The following ARMC8 variants were observed in gnomAD, a reference collection of about 807,000 sequenced individuals.
The protein encoded by ARMC8 is armadillo repeat containing 8, also known as armadillo repeat-containing protein 8.
ARMC8 carries 20 observed loss-of-function variants against 99.3 expected under a neutral mutation model. That is an observed-to-expected ratio of 0.20 (90% CI 0.14 to 0.29). The LOEUF (loss-of-function observed/expected upper bound fraction) is 0.29, where lower values mean the gene tolerates loss of function less well. Ranked by LOEUF, ARMC8 falls within the 10% of genes least tolerant of loss-of-function variation. The probability of loss-of-function intolerance (pLI) is 1.00; values close to 1 mark genes in which losing one functional copy is unlikely to be tolerated. For synonymous variants in ARMC8, 263 were observed against 278.3 expected (o/e 0.95, Z 0.55); for missense variants, 569 against 809.5 (o/e 0.70, Z 3.60).
At chr3:138,207,709 A>G (rs1252946603) in intron 1 of ARMC8, among the ~76,000 whole-genome samples, 1 of 152,120 alleles carries the variant, frequency 6.6e-6, no homozygotes, top group South Asian at 2.1e-4. Flanking sequence ...GTTTCTTGAT[A>G]TGTTCGTACA....
chr3:138,217,677 ATCTT>A (rs1319110316), intron 2 of ARMC8, among the ~76,000 whole-genome samples: 1 of 152,162 alleles, frequency 6.6e-6, no homozygotes, highest in Non-Finnish European at 1.5e-5. Flanking sequence ...TTGGCTGAAA[ATCTT>A]TCTCAACAAA....
At chr3:138,214,267 C>T (rs1384945329) in intron 2 of ARMC8, among the ~76,000 whole-genome samples, 1 of 150,840 alleles carries the variant, frequency 6.6e-6, no homozygotes, top group Non-Finnish European at 1.5e-5. Context: ...TTTGTAGTTT[C>T]AGAGTTTAAT....
chr3:138,188,103 C>T (rs2107926014), intron 1 of ARMC8: 1 of 229,838 alleles, frequency 4.4e-6, no homozygotes, highest in African/African-American at 2.3e-5. Context: ...TCTATCGCGT[C>T]CCAGCACCTG....
intron 18 of ARMC8, among the ~76,000 whole-genome samples, chr3:138,276,621 A>G (rs2049321913): frequency 6.6e-6 from 1 of 152,220 alleles, no homozygotes; most frequent in Admixed American, 6.5e-5. Flanking sequence ...GTATTTTTAT[A>G]TACTAGCAGT....
intron 6 of ARMC8, among the ~76,000 whole-genome samples, chr3:138,230,498 A>G (rs572688668): frequency 6.6e-6 from 1 of 152,196 alleles, no homozygotes; most frequent in Non-Finnish European, 1.5e-5. Flanking sequence ...AAAAAATACA[A>G]AAGAATTAGC....
chr3:138,281,132 A>G (rs1407081571), intron 18 of ARMC8, among the ~76,000 whole-genome samples: 2 of 152,162 alleles, frequency 1.3e-5, no homozygotes, highest in Non-Finnish European at 1.5e-5. Flanking sequence ...GGCCCAAACC[A>G]TAATTTACCA....
chr3:138,235,328 GA>G lies in ARMC8; in HGVS notation c.609+215del, dbSNP rs566117830. ...CTTTTTTAGGATACAGTTGTACCAT[GA>G]GTTCTTATTGATTTGCACCCATTAA... is the stretch of plus-strand genomic sequence containing the variant. On this transcript the variant is annotated intron_variant, in intron 7 of 21. Coordinates refer to ENST00000469044, the MANE Select transcript of ARMC8 (RefSeq NM_001363941.2). Among the ~76,000 whole-genome samples, 22 of 150,836 alleles carry G rather than the reference GA, an allele frequency of 1.5e-4. No individual in the cohort carries two copies. In the East Asian group the frequency reaches 4.3e-3, roughly 29 times the overall value.
At chr3:138,265,261 C>T (rs2048169905) in intron 14 of ARMC8, among the ~76,000 whole-genome samples, 1 of 151,868 alleles carries the variant, frequency 6.6e-6, no homozygotes. Flanking sequence ...CTTTTGTCCC[C>T]CCCAAAAAAG....
intron 21 of ARMC8, among the ~76,000 whole-genome samples, chr3:138,294,015 A>G (rs1044240524): frequency 5.3e-5 from 8 of 152,182 alleles, no homozygotes; most frequent in Non-Finnish European, 1.2e-4. Flanking sequence ...CATTCTTCTA[A>G]AAAGACTCCT....
At chr3:138,237,186 T>G in intron 7 of ARMC8, 123 bp from the exon 8 acceptor site, 1 of 783,396 alleles carries the variant, frequency 1.3e-6, no homozygotes, top group Non-Finnish European at 2.1e-6. Flanking sequence ...TGTTATTTCT[T>G]TGAGGCCTGT....
chr3:138,212,744 C>A (rs1054542469), intron 2 of ARMC8, among the ~76,000 whole-genome samples: 3 of 152,058 alleles, frequency 2.0e-5, no homozygotes, highest in African/African-American at 7.2e-5. Context: ...CATTAAGAGA[C>A]CATTACTAGA....
chr3:138,267,335 T>C, intron 15 of ARMC8, 94 bp downstream of exon 15: 1 of 744,388 alleles, frequency 1.3e-6, no homozygotes, highest in African/African-American at 1.8e-5. Context: ...ATCTGTGGGT[T>C]GGGTTTAAAA....
chr3:138,274,353 C>A, intron 17 of ARMC8, 96 bp from the exon 18 acceptor site: 1 of 750,836 alleles, frequency 1.3e-6, no homozygotes, highest in Non-Finnish European at 2.3e-6. Context: ...TTGCATGAAG[C>A]AGTTGTGAAT....
At chr3:138,244,843 G>A (rs1416104058) in intron 11 of ARMC8, among the ~76,000 whole-genome samples, 35 of 152,160 alleles carry the variant, frequency 2.3e-4, no homozygotes, top group Admixed American at 2.3e-3. Flanking sequence ...ATATATCAGT[G>A]TCAAATATAG....
At chr3:138,190,029 A>G (rs981859519) in intron 1 of ARMC8, among the ~76,000 whole-genome samples, 1 of 151,890 alleles carries the variant, frequency 6.6e-6, no homozygotes, top group Non-Finnish European at 1.5e-5. Context: ...AGTGTTTCTT[A>G]TATCTTTCTC....
intron 1 of ARMC8, among the ~76,000 whole-genome samples, chr3:138,201,210 ATT>A (rs1235438734): frequency 7.1e-6 from 1 of 141,344 alleles, no homozygotes; most frequent in Non-Finnish European, 1.6e-5. Flanking sequence ...TGCCTGGCCT[ATT>A]TTTTTTTTTA....
chr3:138,244,423 G>A (rs1177736898), intron 11 of ARMC8, among the ~76,000 whole-genome samples: 3 of 152,028 alleles, frequency 2.0e-5, no homozygotes, highest in African/African-American at 7.2e-5. Flanking sequence ...GACTACAGGC[G>A]CCTGCCACCA....
rs1364233771 is a variant in ARMC8, at chr3:138,284,350, A to C, written c.1726-81A>C. Reference sequence around the variant, plus strand: ...GTGAGAATCCATGTACCTTCAAGTGAAAAATTGCCCAAGCTCTTGAGACAG... The same window carrying C: ...GTGAGAATCCATGTACCTTCAAGTGCAAAATTGCCCAAGCTCTTGAGACAG... On this transcript the variant is annotated intron_variant, in intron 18 of 21. Coordinates refer to ENST00000469044, the MANE Select transcript of ARMC8 (RefSeq NM_001363941.2). 1.5e-5 allele frequency: 16 copies of C among 1,056,144 alleles called. No homozygotes were observed. The Admixed American group carries it at 2.5e-4, about 17-fold the overall frequency. 65.4% of individuals were successfully genotyped at this position (1,056,144 alleles called of 1,614,324 possible). A position where few individuals can be genotyped will look rare whatever the true frequency, so the allele number is the denominator to read the frequency against.
intron 6 of ARMC8, among the ~76,000 whole-genome samples, chr3:138,230,229 T>C (rs1264323145): frequency 6.6e-6 from 1 of 152,216 alleles, no homozygotes; most frequent in East Asian, 1.9e-4. Flanking sequence ...AATGACAGTT[T>C]TGTTGCAACT....
Sources: gnomAD v4.1 joint callset for allele counts (sites outside exome capture counted in the v4.1 genomes callset) on GRCh38, gnomAD v4.1.1 for gene constraint, MANE v1.5 for transcripts, NCBI Gene and HGNC (gene_info 2026-07-23, HGNC 2026-07-21) for gene names.